Variants in MTCL1 observed in about 807,000 individuals in gnomAD.
MTCL1 encodes the protein microtubule crosslinking factor 1, also known as microtubule cross-linking factor 1.
A neutral mutation model predicts 141.4 loss-of-function variants in MTCL1; 79 were observed. The observed-to-expected ratio is 0.56, with a 90% CI of 0.47 to 0.67. The LOEUF is 0.67. MTCL1 is among the 30% of genes least tolerant of loss of function. MTCL1 has a pLI of 0.00. For synonymous variants in MTCL1, 914 were observed against 875.8 expected (o/e 1.04, Z -0.77); for missense variants, 2,177 against 2,113.9 (o/e 1.03, Z -0.59).
chr18:8,777,176 C>G (rs1194585695), intron 4 of MTCL1, among the ~76,000 whole-genome samples: 1 of 152,198 alleles, frequency 6.6e-6, no homozygotes, highest in Non-Finnish European at 1.5e-5. Flanking sequence ...GTGGAACTTG[C>G]AGTGAGCTGA....
rs115936047 is a variant in MTCL1, at chr18:8,800,122, C to T, written c.2436+1831C>T. On this transcript the variant is annotated intron_variant, in intron 10 of 16. Transcript: ENST00000359865. ...GGAAGATGGACGAGCTCTACTGTAACGACAGCTGGTTCTCTGGGAGGGAAC... is the reference window on the plus strand; with the variant it reads ...GGAAGATGGACGAGCTCTACTGTAATGACAGCTGGTTCTCTGGGAGGGAAC... Among the ~76,000 whole-genome samples the T allele has an allele frequency of 4.7e-3, 710 of 152,314 alleles. 8 individuals are homozygous for T. Among genetic ancestry groups the T allele is most frequent in the African/African-American group, 0.016 (675 of 41,560 alleles).
intron 7 of MTCL1, among the ~76,000 whole-genome samples, chr18:8,787,644 C>G (rs1295588593): frequency 6.6e-6 from 1 of 152,200 alleles, no homozygotes; most frequent in East Asian, 1.9e-4. Flanking sequence ...AGCTAAAAAT[C>G]TCCATAGTGA....
At chr18:8,829,722 T>A in intron 16 of MTCL1, 1 of 985,186 alleles carries the variant, frequency 1.0e-6, no homozygotes, top group Non-Finnish European at 1.2e-6. Flanking sequence ...CATGAAAAGA[T>A]GACAGGGAAC....
intron 4 of MTCL1, among the ~76,000 whole-genome samples, chr18:8,767,886 A>G (rs2096466704): frequency 2.0e-5 from 3 of 152,228 alleles, no homozygotes; most frequent in Non-Finnish European, 4.4e-5. Context: ...TTTGCTTCCA[A>G]ACATTTCCAA....
rs1016068704 is a variant in MTCL1, at chr18:8,784,799, T to TC, written c.1692dup (p.Ile565HisfsTer74). ...CACTGTGACTTCCGTGTCCCGGGACTCCCCCATCGGGAACCTGGGGAAGGA... is the reference window on the plus strand; with the variant it reads ...CACTGTGACTTCCGTGTCCCGGGACTCCCCCCATCGGGAACCTGGGGAAGGA... On this transcript the variant is annotated frameshift_variant, in exon 6 of 17. Transcript: ENST00000359865. LOFTEE classifies it high-confidence loss of function. The TC allele has an allele frequency of 1.2e-6, 2 of 1,607,994 alleles. No individual in the cohort carries two copies. Among genetic ancestry groups the TC allele is most frequent in the Non-Finnish European group, 1.7e-6 (2 of 1,175,768 alleles).
At chr18:8,802,889 C>A (rs371744421) in intron 10 of MTCL1, among the ~76,000 whole-genome samples, 2 of 152,152 alleles carry the variant, frequency 1.3e-5, no homozygotes, top group African/African-American at 4.8e-5. Flanking sequence ...GGCTAGACCC[C>A]GGCACAAGAG....
chr18:8,774,085 T>C (rs1318907013), intron 4 of MTCL1, among the ~76,000 whole-genome samples: 6 of 152,184 alleles, frequency 3.9e-5, no homozygotes, highest in Admixed American at 3.9e-4. Flanking sequence ...AGAGCAGCCA[T>C]AGACAGTGAT....
At chr18:8,731,214 C>T (rs1046096261) in intron 4 of MTCL1, among the ~76,000 whole-genome samples, 4 of 152,020 alleles carry the variant, frequency 2.6e-5, no homozygotes, top group South Asian at 4.2e-4. Context: ...CACTGCACTC[C>T]AGCCTGGGCG....
chr18:8,723,543 C>T (rs538867612), intron 4 of MTCL1, among the ~76,000 whole-genome samples: 3 of 152,304 alleles, frequency 2.0e-5, no homozygotes, highest in Admixed American at 2.0e-4. Context: ...ACAGCATCTC[C>T]ATGCCTTCTC....
intron 4 of MTCL1, among the ~76,000 whole-genome samples, chr18:8,770,189 A>G (rs904118432): frequency 1.3e-5 from 2 of 152,182 alleles, no homozygotes; most frequent in African/African-American, 4.8e-5. Context: ...CCCATCTCCA[A>G]GTTTAGGGGA....
At chr18:8,738,968 T>G (rs2096287433) in intron 4 of MTCL1, among the ~76,000 whole-genome samples, 1 of 152,170 alleles carries the variant, frequency 6.6e-6, no homozygotes, top group Admixed American at 6.5e-5. Context: ...CCAGGCATGG[T>G]GGAGCACGCC....
At chr18:8,829,083 C>A in intron 16 of MTCL1, 1 of 1,556,880 alleles carries the variant, frequency 6.4e-7, no homozygotes. Context: ...CCCTCGCTCA[C>A]CCCAAGTTCC....
At chr18:8,721,749 C>T (rs2096174560) in intron 4 of MTCL1, among the ~76,000 whole-genome samples, 1 of 152,256 alleles carries the variant, frequency 6.6e-6, no homozygotes, top group South Asian at 2.1e-4. Context: ...CACCGCTCAT[C>T]TGACAATGCT....
At chr18:8,766,244 AATG>A (rs1598559232) in intron 4 of MTCL1, among the ~76,000 whole-genome samples, 1 of 152,180 alleles carries the variant, frequency 6.6e-6, no homozygotes, top group East Asian at 1.9e-4. Context: ...TGTGCCAAAG[AATG>A]ATGCCTCATG....
intron 4 of MTCL1, among the ~76,000 whole-genome samples, chr18:8,723,191 C>T (rs950766754): frequency 2.0e-5 from 3 of 152,098 alleles, no homozygotes; most frequent in East Asian, 1.9e-4. Context: ...GTCCCAGGAG[C>T]GTTAGATGCT....
Position 8,705,734 on chromosome 18 carries a change from G to T in MTCL1, c.74G>T (p.Arg25Leu), listed in dbSNP as rs2096056662. 1 of 1,205,316 alleles carries T rather than the reference G, an allele frequency of 8.3e-7. No homozygotes were observed. The highest frequency in any genetic ancestry group is 3.3e-5 in the East Asian group (1 of 30,062). The allele number at this position is 1,205,316 out of a possible 1,614,324, so 74.7% of individuals were successfully genotyped here. The change falls in exon 1 of 14, where the codon CGC becomes CTC. Residue 25 changes from arginine (R) to leucine (L), a missense_variant. Transcript: ENST00000306329. This position sits in a 1 kb window ranked among gnomAD's most constrained non-coding sequence, Gnocchi z 5.2. ...CTGCAGCCGCCCGGCCAGCACCACCGCCACCACCACCTCCACCCGGTGGCC... is the reference window on the plus strand; with the variant it reads ...CTGCAGCCGCCCGGCCAGCACCACCTCCACCACCACCTCCACCCGGTGGCC...
At chr18:8,724,093 T>C (rs547479319) in intron 4 of MTCL1, among the ~76,000 whole-genome samples, 1 of 152,106 alleles carries the variant, frequency 6.6e-6, no homozygotes, top group Admixed American at 6.5e-5. Context: ...AACACGAGAA[T>C]GTACTCAGTG....
chr18:8,769,831 A>G (rs542613974), intron 4 of MTCL1, among the ~76,000 whole-genome samples: 3 of 152,274 alleles, frequency 2.0e-5, no homozygotes, highest in African/African-American at 7.2e-5. Context: ...TACTTATAAC[A>G]TTTGTCCTCT....
In MTCL1 at chr18:8,780,397, C is replaced by T. The variant is rs186226264; in HGVS notation, c.417+2505C>T. 3.0e-4 allele frequency among the ~76,000 whole-genome samples: 46 copies of T among 152,384 alleles called. 1 individual carries two copies. Among genetic ancestry groups the T allele is most frequent in the African/African-American group, 1.0e-3 (43 of 41,600 alleles). ...TTCCACGGATGCTGGTCACAGCAGG[C>T]GGCCCTGCCCCCACCTTGTCCAGCC... On this transcript the variant is annotated intron_variant, in intron 5 of 16. Coordinates refer to ENST00000359865, the Ensembl canonical transcript of MTCL1.
Sources: gnomAD v4.1 joint callset for allele counts (sites outside exome capture counted in the v4.1 genomes callset) on GRCh38, gnomAD v4.1.1 for gene constraint, Gnocchi (gnomAD v3.1) non-coding constraint, MANE v1.5 for transcripts, NCBI Gene and HGNC (gene_info 2026-07-23, HGNC 2026-07-21) for gene names.